UBE2H: variants seen among roughly 807,000 people sequenced by gnomAD.
The protein encoded by UBE2H is ubiquitin-conjugating enzyme E2 H.
UBE2H carries 3 observed loss-of-function variants against 29.0 expected under a neutral mutation model. That is an observed-to-expected ratio of 0.10 (90% CI 0.05 to 0.27). UBE2H has a LOEUF of 0.27. UBE2H is among the 10% of genes least tolerant of loss of function. The probability of loss-of-function intolerance (pLI) is 1.00; values close to 1 mark genes in which losing one functional copy is unlikely to be tolerated. For synonymous variants in UBE2H, 69 were observed against 82.9 expected, an observed-to-expected ratio of 0.83 and a Z score of 0.91; for missense variants, 68 against 228.2, an observed-to-expected ratio of 0.30 and a Z score of 4.52.
rs979537823 is a variant in UBE2H at position 129,905,355 on chromosome 7, T to C, written c.54-24384A>G. Among the ~76,000 whole-genome samples the C allele has an allele frequency of 1.1e-4, 17 of 152,128 alleles. No homozygotes were observed. The East Asian group carries it at 3.1e-3, about 28-fold the overall frequency. ...ACCATTATACATTTGATTCATCTCATTGTTTTTGTTCTAATGCCTTCTCGA... is the reference window on the plus strand; with the variant it reads ...ACCATTATACATTTGATTCATCTCACTGTTTTTGTTCTAATGCCTTCTCGA... On this transcript the variant is annotated intron_variant, in intron 1 of 6. Coordinates refer to ENST00000355621, the MANE Select transcript of UBE2H (RefSeq NM_003344.4).
intron 3 of UBE2H, among the ~76,000 whole-genome samples, chr7:129,864,069 C>T (rs773655906): frequency 5.9e-5 from 9 of 152,202 alleles, no homozygotes; most frequent in Middle Eastern, 3.2e-3. Context: ...TGGGGAATTA[C>T]AGGCGTGAGC....
At chr7:129,944,202 A>C (rs1449187658) in intron 1 of UBE2H, among the ~76,000 whole-genome samples, 2 of 151,988 alleles carry the variant, frequency 1.3e-5, no homozygotes, top group Non-Finnish European at 2.9e-5. Flanking sequence ...TAAAAATACA[A>C]AAAATTAGCC....
intron 1 of UBE2H, among the ~76,000 whole-genome samples, chr7:129,946,005 C>T (rs1300162987): frequency 6.6e-6 from 1 of 151,906 alleles, no homozygotes; most frequent in Non-Finnish European, 1.5e-5. Context: ...CTCAGCCTCC[C>T]AAAGTGCTGG....
At chr7:129,911,651 T>C (rs1486613224) in intron 1 of UBE2H, among the ~76,000 whole-genome samples, 1 of 152,064 alleles carries the variant, frequency 6.6e-6, no homozygotes, top group African/African-American at 2.4e-5. Flanking sequence ...TTTAATTATT[T>C]TTTAGAGACA....
chr7:129,855,103 A>G (rs1805681059), intron 5 of UBE2H, among the ~76,000 whole-genome samples: 1 of 152,244 alleles, frequency 6.6e-6, no homozygotes, highest in South Asian at 2.1e-4. Context: ...ATGGCTGCAT[A>G]TAACTGAATG....
chr7:129,895,283 G>A (rs1232756467), intron 1 of UBE2H, among the ~76,000 whole-genome samples: 1 of 152,166 alleles, frequency 6.6e-6, no homozygotes, highest in Non-Finnish European at 1.5e-5. Context: ...AGCACAGGCG[G>A]AAGACCTAGA....
chr7:129,922,236 C>A (rs137992750), intron 1 of UBE2H, among the ~76,000 whole-genome samples: 9,385 of 152,038 alleles, frequency 0.062, 361 homozygotes, highest in Non-Finnish European at 0.091. Context: ...GATCCACCCA[C>A]CTCAGCCTCC....
intron 1 of UBE2H, among the ~76,000 whole-genome samples, chr7:129,909,971 T>C (rs1290479437): frequency 2.0e-5 from 3 of 151,548 alleles, no homozygotes; most frequent in Non-Finnish European, 4.4e-5. Flanking sequence ...TGAAAACAAA[T>C]ATAGAGGGGG....
intron 1 of UBE2H, among the ~76,000 whole-genome samples, chr7:129,883,194 C>T (rs1806288900): frequency 6.6e-6 from 1 of 152,124 alleles, no homozygotes; most frequent in Non-Finnish European, 1.5e-5. Flanking sequence ...GAGGACAAAT[C>T]CAGCACTATA....
chr7:129,839,415 T>C, intron 5 of UBE2H, 80 bp from the exon 6 acceptor site: 1 of 1,586,260 alleles, frequency 6.3e-7, no homozygotes, highest in Non-Finnish European at 8.6e-7. Flanking sequence ...GTCAAGCTGC[T>C]TACCTTCTTA....
intron 3 of UBE2H, among the ~76,000 whole-genome samples, chr7:129,876,977 T>C (rs1023265671): frequency 1.3e-5 from 2 of 152,222 alleles, no homozygotes. Context: ...TATATTTAAA[T>C]ATTCAGAGAG....
Position 129,859,090 on chromosome 7 carries a change from T to G in UBE2H, c.206-149A>C, listed in dbSNP as rs979469146. The G allele has an allele frequency of 6.3e-6, 4 of 633,962 alleles. No homozygotes were observed. In the African/African-American group the frequency reaches 7.4e-5, roughly 12 times the overall value. 39.3% of individuals were successfully genotyped at this position (633,962 alleles called of 1,614,324 possible). On this transcript the variant is annotated intron_variant, in intron 3 of 6. Transcript: ENST00000355621. ...TTAGATCTTTCATTACTGATAAACA[T>G]TATATTCTCCTGATAGCTCCAATTA... is the stretch of plus-strand genomic sequence containing the variant.
chr7:129,838,132 A>G (rs1478676474), intron 6 of UBE2H, among the ~76,000 whole-genome samples: 1 of 152,210 alleles, frequency 6.6e-6, no homozygotes, highest in Non-Finnish European at 1.5e-5. Flanking sequence ...GCTTAGCTAT[A>G]TATTTTGCTA....
intron 1 of UBE2H, among the ~76,000 whole-genome samples, chr7:129,933,236 G>T (rs191672181): frequency 3.4e-5 from 5 of 148,882 alleles, no homozygotes; most frequent in African/African-American, 9.7e-5. Context: ...ACAGGTGAAA[G>T]GTAAAAATAA....
At chr7:129,899,569 C>T (rs571723570) in intron 1 of UBE2H, among the ~76,000 whole-genome samples, 3 of 152,328 alleles carry the variant, frequency 2.0e-5, no homozygotes, top group African/African-American at 7.2e-5. Flanking sequence ...CTTCTTGCCT[C>T]TTTAACACAA....
intron 1 of UBE2H, among the ~76,000 whole-genome samples, chr7:129,910,760 T>C (rs1343403446): frequency 3.9e-5 from 6 of 152,090 alleles, no homozygotes; most frequent in Non-Finnish European, 7.4e-5. Flanking sequence ...TGGGCACCTA[T>C]AATCCCAGCT....
Position 129,848,472 on chromosome 7 carries a change from C to T in UBE2H, c.298+9039G>A, listed in dbSNP as rs1361224827. ...GGCTGACAGGAAAGGAAAGAAAAAT[C>T]CTGTTCACACCTAGAGGAAAACATG... On this transcript the variant is annotated intron_variant, in intron 5 of 6. Coordinates refer to ENST00000355621, the MANE Select transcript of UBE2H (RefSeq NM_003344.4). Among the ~76,000 whole-genome samples, 5 of 152,174 alleles carry T rather than the reference C, an allele frequency of 3.3e-5. 1 individual carries two copies. Among genetic ancestry groups the T allele is most frequent in the Non-Finnish European group, 7.4e-5 (5 of 68,026 alleles).
At chr7:129,890,706 G>A (rs1806466788) in intron 1 of UBE2H, among the ~76,000 whole-genome samples, 1 of 152,066 alleles carries the variant, frequency 6.6e-6, no homozygotes, top group Non-Finnish European at 1.5e-5. Flanking sequence ...GTGAAACACA[G>A]GACAGCAGGA....
intron 4 of UBE2H, among the ~76,000 whole-genome samples, chr7:129,858,664 C>T (rs1165142022): frequency 2.6e-5 from 4 of 151,992 alleles, no homozygotes; most frequent in Non-Finnish European, 4.4e-5. Context: ...TGCTGGGTAA[C>T]AAGAAAAATG....
Sources: gnomAD v4.1 joint callset for allele counts (sites outside exome capture counted in the v4.1 genomes callset) on GRCh38, gnomAD v4.1.1 for gene constraint, MANE v1.5 for transcripts, NCBI Gene and HGNC (gene_info 2026-07-23, HGNC 2026-07-21) for gene names.